KICS2: variants seen among roughly 807,000 people sequenced by gnomAD.
KICS2 encodes the protein KICSTOR subunit 2.
In KICS2, 13 loss-of-function variants were observed where a neutral mutation model predicts 31.4. That is an observed-to-expected ratio of 0.41 (90% confidence interval 0.27 to 0.66). KICS2 has a LOEUF of 0.66. KICS2 is among the 30% of genes least tolerant of loss of function. The pLI is 0.28. For missense variants in KICS2, 455 were observed against 545.4 expected (o/e 0.83, Z 1.65); for synonymous variants, 209 against 214.8 (o/e 0.97, Z 0.24).
intron 2 of KICS2, among the ~76,000 whole-genome samples, chr12:64,195,085 G>A (rs535603435): frequency 6.6e-6 from 1 of 152,042 alleles, no homozygotes; most frequent in Non-Finnish European, 1.5e-5. Context: ...GAGAACATAG[G>A]CACACACTCC....
intron 2 of KICS2, among the ~76,000 whole-genome samples, chr12:64,205,157 T>A (rs1030074116): frequency 3.3e-5 from 5 of 152,342 alleles, no homozygotes; most frequent in Non-Finnish European, 7.3e-5. Flanking sequence ...AACACTATTG[T>A]TATCTTTCTA....
Position 64,202,680 on chromosome 12 carries a change from A to G in KICS2, c.522-8022T>C, listed in dbSNP as rs550368295. ...CTTGATATTTTCTAATATATATTAA[A>G]TATATATTTATTTTCTACTATACAT... is the stretch of plus-strand genomic sequence containing the variant. On this transcript the variant is annotated intron_variant, in intron 2 of 2. Transcript: ENST00000398055. Among the ~76,000 whole-genome samples the G allele has an allele frequency of 1.0e-4, 15 of 149,006 alleles. No individual in the cohort carries two copies. The South Asian group carries it at 2.7e-3, about 27-fold the overall frequency.
At chr12:64,205,688 AGAAG>A (rs1421760441) in intron 2 of KICS2, among the ~76,000 whole-genome samples, 1 of 123,372 alleles carries the variant, frequency 8.1e-6, no homozygotes, top group Admixed American at 8.2e-5. Context: ...GAAGGAAGGA[AGAAG>A]GAAGGAAAAA....
At chr12:64,220,994 C>T (rs2037676357) in intron 1 of KICS2, among the ~76,000 whole-genome samples, 1 of 151,404 alleles carries the variant, frequency 6.6e-6, no homozygotes, top group Non-Finnish European at 1.5e-5. Flanking sequence ...AACATACTTG[C>T]TACAGCAATT....
Position 64,193,800 on chromosome 12 carries a change from G to C in KICS2, c.*42C>G, listed in dbSNP as rs1469449690. On this transcript the variant is annotated 3_prime_UTR_variant, in exon 3 of 3. Coordinates refer to ENST00000398055, the MANE Select transcript of KICS2 (RefSeq NM_152440.5). ...CACCGTAGATCATTAGGGCAATTAA[G>C]AACAGTTTCTAGTCTTGAAACCCCT... The C allele has an allele frequency of 6.4e-7, 1 of 1,567,400 alleles. No homozygotes were observed. The highest frequency in any genetic ancestry group is 1.4e-5 in the African/African-American group (1 of 73,676).
In KICS2 at chr12:64,215,870, G is replaced by A; in HGVS notation, c.329C>T (p.Ala110Val). The A allele has an allele frequency of 6.2e-7, 1 of 1,613,726 alleles. No homozygotes were observed. The highest frequency in any genetic ancestry group is 8.5e-7 in the Non-Finnish European group (1 of 1,179,888). The change falls in exon 2 of 3, where the codon GCC becomes GTC. Residue 110 changes from alanine (A) to valine (V), a missense_variant. Coordinates refer to ENST00000398055, the MANE Select transcript of KICS2 (RefSeq NM_152440.5). ...ELKKVVTGRG[A>V]LGGTAPHVEE... Reference sequence around the variant, plus strand: ...CACGTGAGGAGCAGTCCCACCCAGGGCACCACGGCCAGTCACCACCTTCTT... The same window carrying A: ...CACGTGAGGAGCAGTCCCACCCAGGACACCACGGCCAGTCACCACCTTCTT...
intron 2 of KICS2, among the ~76,000 whole-genome samples, chr12:64,196,919 C>G (rs199743987): frequency 0.035 from 4,945 of 142,000 alleles, 96 homozygotes; most frequent in Middle Eastern, 0.081. Context: ...AAAAAGAAAT[C>G]AGCAAAGCCT....
At chr12:64,221,784 G>T (rs2037685719) in intron 1 of KICS2, 1 of 619,206 alleles carries the variant, frequency 1.6e-6, no homozygotes, top group East Asian at 2.8e-5. Flanking sequence ...CCTGCAAAGA[G>T]CATCTACCCA....
intron 2 of KICS2, among the ~76,000 whole-genome samples, chr12:64,203,774 AGAAACC>A: frequency 6.6e-6 from 1 of 152,368 alleles, no homozygotes; most frequent in South Asian, 2.1e-4. Flanking sequence ...ATTATAAGAG[AGAAACC>A]GATTATCATG....
Position 64,191,674 on chromosome 12 carries a change from G to A in KICS2, c.*2168C>T, listed in dbSNP as rs2037379803. ...AGGTAAGGTCAATGTTGTAAAATCT[G>A]CTGAGACTTTTTTTATAGAACCTGA... On this transcript the variant is annotated 3_prime_UTR_variant, in exon 3 of 3. Transcript: ENST00000398055. The A allele has an allele frequency of 1.3e-5, 2 of 152,150 alleles. No individual in the cohort carries two copies. Among genetic ancestry groups the A allele is most frequent in the South Asian group, 4.1e-4 (2 of 4,822 alleles). The allele number at this position is 152,150 out of a possible 1,614,324, so 9.4% of individuals were successfully genotyped here. A position where few individuals can be genotyped will look rare whatever the true frequency, so the allele number is the denominator to read the frequency against.
chr12:64,211,859 C>A (rs537268501), intron 2 of KICS2, among the ~76,000 whole-genome samples: 5 of 152,236 alleles, frequency 3.3e-5, no homozygotes, highest in African/African-American at 9.6e-5. Context: ...CTGGGGAAAT[C>A]TGAACATGGA....
At chr12:64,210,338 T>C (rs1419607766) in intron 2 of KICS2, among the ~76,000 whole-genome samples, 5 of 152,180 alleles carry the variant, frequency 3.3e-5, no homozygotes, top group African/African-American at 1.2e-4. Context: ...ACTCCATCAA[T>C]ATCCACTCAG....
chr12:64,195,915 C>T (rs559436205), intron 2 of KICS2, among the ~76,000 whole-genome samples: 16 of 152,168 alleles, frequency 1.1e-4, no homozygotes, highest in Non-Finnish European at 1.6e-4. Flanking sequence ...CGGCGCACCA[C>T]GAGATTATAT....
rs1439933152 is a variant in KICS2, at chr12:64,193,808, T to C, written c.*34A>G. 1.3e-6 allele frequency: 2 copies of C among 1,580,072 alleles called. No homozygotes were observed. The highest frequency in any genetic ancestry group is 2.4e-5 in the South Asian group (2 of 83,742). ...ATCATTAGGGCAATTAAGAACAGTT[T>C]CTAGTCTTGAAACCCCTCCACGCAA... On this transcript the variant is annotated 3_prime_UTR_variant, in exon 3 of 3. Transcript: ENST00000398055.
chr12:64,194,833 C>T (rs907375660), intron 2 of KICS2, 175 bp from the exon 3 acceptor site: 5 of 612,682 alleles, frequency 8.2e-6, no homozygotes, highest in African/African-American at 4.0e-5. Flanking sequence ...TATAATTTCA[C>T]CATTTCAAAA....
rs769234728 is a variant in KICS2, at chr12:64,191,525, T to C, written c.*2317A>G. On this transcript the variant is annotated 3_prime_UTR_variant, in exon 3 of 3. Coordinates refer to ENST00000398055, the MANE Select transcript of KICS2 (RefSeq NM_152440.5). ...TGGGGGACTGTGTCATTAAGGCTAA[T>C]GGTGGTTTAATCTAAGAGGAAAAAA... is the stretch of plus-strand genomic sequence containing the variant. 5 of 152,158 alleles carry C rather than the reference T, an allele frequency of 3.3e-5. No homozygotes were observed. The highest frequency in any genetic ancestry group is 2.0e-4 in the Admixed American group (3 of 15,284). The allele number at this position is 152,158 out of a possible 1,614,324, so 9.4% of individuals were successfully genotyped here.
At chr12:64,218,043 A>C (rs892851034) in intron 1 of KICS2, among the ~76,000 whole-genome samples, 6 of 152,206 alleles carry the variant, frequency 3.9e-5, no homozygotes, top group African/African-American at 1.4e-4. Context: ...GCTTGTTCCA[A>C]ACAGATTGAG....
At chr12:64,203,796 T>C (rs1274385461) in intron 2 of KICS2, among the ~76,000 whole-genome samples, 1 of 152,220 alleles carries the variant, frequency 6.6e-6, no homozygotes, top group East Asian at 1.9e-4. Flanking sequence ...TCATGTGAAA[T>C]GTCGTTATTC....
chr12:64,207,331 G>A (rs2037548573), intron 2 of KICS2, among the ~76,000 whole-genome samples: 1 of 147,690 alleles, frequency 6.8e-6, no homozygotes, highest in Non-Finnish European at 1.5e-5. Context: ...AAAAAGAGAT[G>A]GCAAATTTGA....
Sources: allele counts gnomAD v4.1 joint callset (sites outside exome capture counted in the v4.1 genomes callset), GRCh38; gene constraint gnomAD v4.1.1; transcripts MANE v1.5; gene names NCBI Gene and HGNC (gene_info 2026-07-23, HGNC 2026-07-21).